The following JAK1 variants were observed in gnomAD, a reference collection of about 807,000 sequenced individuals.
JAK1 encodes the protein Janus kinase 1, also known as tyrosine-protein kinase JAK1.
In JAK1, 16 loss-of-function variants were observed where a neutral mutation model predicts 136.6. That is an observed-to-expected ratio of 0.12 (90% CI 0.08 to 0.18). The LOEUF (loss-of-function observed/expected upper bound fraction) is 0.18. JAK1 is among the 10% of genes least tolerant of loss of function. JAK1 has a pLI of 1.00. For missense variants in JAK1, 859 were observed against 1,450.1 expected (o/e 0.59, Z 6.62); for synonymous variants, 492 against 519.5 (o/e 0.95, Z 0.72).
intron 1 of JAK1, among the ~76,000 whole-genome samples, chr1:65,051,243 A>C (rs1647276348): frequency 6.6e-6 from 1 of 151,972 alleles, no homozygotes; most frequent in East Asian, 1.9e-4. Flanking sequence ...TCATGTCTCA[A>C]TATACACTAT....
chr1:65,063,352 G>A lies in JAK1; in HGVS notation c.-181+4252C>T, dbSNP rs140308822. Among the ~76,000 whole-genome samples, 656 of 152,288 alleles carry A rather than the reference G, an allele frequency of 4.3e-3. 5 individuals are homozygous for A. The highest frequency in any genetic ancestry group is 0.015 in the African/African-American group (629 of 41,552). ...ATCCCAATTTTCCCATGACACCCCT[G>A]CTAGCCGTTCTAGAACCCTGGACTT... is the stretch of plus-strand genomic sequence containing the variant. On this transcript the variant is annotated intron_variant, in intron 1 of 25. Transcript: ENST00000671954.
intron 2 of JAK1, among the ~76,000 whole-genome samples, chr1:65,007,119 C>T (rs1165571752): frequency 6.6e-6 from 1 of 152,058 alleles, no homozygotes; most frequent in Non-Finnish European, 1.5e-5. Flanking sequence ...ACTGGATAAG[C>T]GCTTAAAGGA....
intron 2 of JAK1, among the ~76,000 whole-genome samples, chr1:65,016,594 C>A (rs531829260): frequency 6.6e-6 from 1 of 151,506 alleles, no homozygotes; most frequent in South Asian, 2.1e-4. Context: ...CAGAATAGGA[C>A]CCTGTCTCAA....
intron 2 of JAK1, among the ~76,000 whole-genome samples, chr1:65,023,811 A>G (rs1224691419): frequency 6.6e-6 from 1 of 152,018 alleles, no homozygotes; most frequent in East Asian, 1.9e-4. Flanking sequence ...TCCTATCACC[A>G]TAGATTAGTT....
intron 20 of JAK1, among the ~76,000 whole-genome samples, chr1:64,839,120 T>A (rs1242442122): frequency 8.7e-6 from 1 of 115,218 alleles, no homozygotes; most frequent in South Asian, 2.8e-4. Context: ...CAGTCCAGCC[T>A]GGGCCACAGA....
At chr1:64,905,239 C>T (rs1372197835) in intron 1 of JAK1, among the ~76,000 whole-genome samples, 1 of 152,098 alleles carries the variant, frequency 6.6e-6, no homozygotes, top group African/African-American at 2.4e-5. Context: ...ATCTCCAGTG[C>T]GAGGACGGTG....
chr1:64,864,065 C>A (rs374725578), intron 8 of JAK1, among the ~76,000 whole-genome samples: 4 of 152,200 alleles, frequency 2.6e-5, no homozygotes, highest in Admixed American at 6.5e-5. Flanking sequence ...AACCGTATCA[C>A]CAGGCTCTTC....
At chr1:64,913,658 A>G (rs1645329333) in intron 1 of JAK1, among the ~76,000 whole-genome samples, 2 of 18,966 alleles carry the variant, frequency 1.1e-4, no homozygotes, top group African/African-American at 3.1e-4. Context: ...GAAGGAAAGA[A>G]GGAAGGAAGG....
chr1:64,978,458 G>T (rs1646515796), intron 2 of JAK1, among the ~76,000 whole-genome samples: 1 of 152,106 alleles, frequency 6.6e-6, no homozygotes, highest in African/African-American at 2.4e-5. Context: ...TATTTATTAT[G>T]GCTTTAATCT....
chr1:65,036,234 A>G (rs1161048802), intron 2 of JAK1, among the ~76,000 whole-genome samples: 4 of 152,052 alleles, frequency 2.6e-5, no homozygotes, highest in South Asian at 2.1e-4. Context: ...GGAGTTTGAG[A>G]CCAGCCTGGG....
Position 64,842,835 on chromosome 1 carries a change from G to A in JAK1, c.2403+1229C>T, listed in dbSNP as rs554112814. 7.9e-5 allele frequency among the ~76,000 whole-genome samples: 12 copies of A among 152,218 alleles called. No individual in the cohort carries two copies. In the South Asian group the frequency reaches 2.1e-3, roughly 26 times the overall value. On this transcript the variant is annotated intron_variant, in intron 17 of 24. Transcript: ENST00000342505. Reference sequence around the variant, plus strand: ...TCTGTAGATCTGATGGTTTCCCTGCGGGTTTAAGATCCTTTCCCAAGTCCT... The same window carrying A: ...TCTGTAGATCTGATGGTTTCCCTGCAGGTTTAAGATCCTTTCCCAAGTCCT...
chr1:64,899,362 C>T (rs1645071061), intron 1 of JAK1, among the ~76,000 whole-genome samples: 2 of 152,158 alleles, frequency 1.3e-5, no homozygotes, highest in South Asian at 4.1e-4. Context: ...TAAATATAAG[C>T]CTGGATTAGG....
chr1:65,012,011 CCAGT>C (rs1468098720), intron 2 of JAK1, among the ~76,000 whole-genome samples: 11 of 152,142 alleles, frequency 7.2e-5, no homozygotes, highest in Non-Finnish European at 1.5e-4. Context: ...AAAAGAGGGC[CCAGT>C]TTGGGCGCCT....
chr1:64,860,393 T>C (rs1470404244), intron 8 of JAK1, 131 bp from the exon 9 acceptor site: 13 of 466,960 alleles, frequency 2.8e-5, no homozygotes, highest in Non-Finnish European at 4.2e-5. Context: ...AACCTTTTCA[T>C]CAATACTAAA....
chr1:64,961,408 T>G (rs1453045375), intron 1 of JAK1, among the ~76,000 whole-genome samples: 1 of 152,164 alleles, frequency 6.6e-6, no homozygotes, highest in Admixed American at 6.5e-5. Flanking sequence ...CAGGTCTTCA[T>G]TTGCTAACGA....
intron 1 of JAK1, among the ~76,000 whole-genome samples, chr1:64,899,610 G>A (rs1386448162): frequency 6.6e-6 from 1 of 152,150 alleles, no homozygotes; most frequent in African/African-American, 2.4e-5. Flanking sequence ...CACATTTCTT[G>A]AAGGAAATGC....
intron 2 of JAK1, among the ~76,000 whole-genome samples, chr1:65,027,253 G>A (rs1646986327): frequency 6.6e-6 from 1 of 151,674 alleles, no homozygotes; most frequent in Non-Finnish European, 1.5e-5. Flanking sequence ...TTTTAGTAGA[G>A]ATGGGGTTTC....
At chr1:64,838,707 A>G in intron 20 of JAK1, 118 bp from the exon 21 acceptor site, 1 of 937,658 alleles carries the variant, frequency 1.1e-6, no homozygotes, top group Non-Finnish European at 1.6e-6. Flanking sequence ...CCCCTTCATT[A>G]CAGGCATGTT....
intron 1 of JAK1, among the ~76,000 whole-genome samples, chr1:65,052,236 C>G (rs1444603899): frequency 6.6e-6 from 1 of 151,498 alleles, no homozygotes; most frequent in Non-Finnish European, 1.5e-5. Context: ...ACACCCAGCT[C>G]AGGCACACAT....
Sources: gnomAD v4.1 joint callset for allele counts (sites outside exome capture counted in the v4.1 genomes callset) on GRCh38, gnomAD v4.1.1 for gene constraint, MANE v1.5 for transcripts, NCBI Gene and HGNC (gene_info 2026-07-23, HGNC 2026-07-21) for gene names.